The following MACF1 variants were observed in gnomAD, a reference collection of about 807,000 sequenced individuals.
The protein encoded by MACF1 is microtubule actin crosslinking factor 1.
In MACF1, 193 loss-of-function variants were observed where a neutral mutation model predicts 854.8. The observed-to-expected ratio is 0.23, with a 90% CI of 0.20 to 0.25. The LOEUF (loss-of-function observed/expected upper bound fraction) is 0.25, where lower values mean the gene tolerates loss of function less well. Ranked by LOEUF, MACF1 falls within the 10% of genes least tolerant of loss-of-function variation. The pLI, the probability that MACF1 is intolerant of heterozygous loss-of-function variation, is 1.00. For missense variants in MACF1, 7,722 were observed against 8,929.1 expected (o/e 0.86, Z 5.45); for synonymous variants, 3,185 against 3,226.7 (o/e 0.99, Z 0.44).
chr1:39,468,458 CT>C (rs1557670349), intron 95 of MACF1, 156 bp from the exon 96 acceptor site: 1 of 583,088 alleles, frequency 1.7e-6, no homozygotes. Context: ...TTTTAAAATC[CT>C]TTTGTGAAAT....
intron 80 of MACF1, among the ~76,000 whole-genome samples, chr1:39,445,190 C>T (rs1456962345): frequency 6.6e-6 from 1 of 152,142 alleles, no homozygotes; most frequent in Non-Finnish European, 1.5e-5. Flanking sequence ...GAATAATTCT[C>T]CACAAGGAAT....
intron 20 of MACF1, among the ~76,000 whole-genome samples, chr1:39,296,789 A>T (rs150464258): frequency 9.9e-6 from 1 of 100,728 alleles, no homozygotes; most frequent in Non-Finnish European, 2.1e-5. Context: ...AGAAAGAAAG[A>T]AAGGAAGGAA....
chr1:39,327,885 A>G (rs1646646287), intron 36 of MACF1, among the ~76,000 whole-genome samples: 1 of 152,014 alleles, frequency 6.6e-6, no homozygotes. Flanking sequence ...CTCCATATTC[A>G]TTTCCTGGAC....
intron 2 of MACF1, among the ~76,000 whole-genome samples, chr1:39,127,439 CA>C (rs1642887151): frequency 6.6e-6 from 1 of 152,058 alleles, no homozygotes; most frequent in African/African-American, 2.4e-5. Flanking sequence ...TACATTAATC[CA>C]CTTAATTCTC....
chr1:39,477,032 A>G (rs1221629836), intron 97 of MACF1, among the ~76,000 whole-genome samples: 4 of 143,686 alleles, frequency 2.8e-5, no homozygotes, highest in Non-Finnish European at 6.0e-5. Context: ...ACACACACAT[A>G]TATACACTTA....
At chr1:39,345,112 GT>G (rs1647016297) in intron 40 of MACF1, among the ~76,000 whole-genome samples, 1 of 152,138 alleles carries the variant, frequency 6.6e-6, no homozygotes, top group Non-Finnish European at 1.5e-5. Flanking sequence ...TCTACTCTCA[GT>G]TTCAAAGTGA....
rs562347733 is a variant in MACF1, at chr1:39,477,131, T to TACACACACACACAC, written c.21959-2666_21959-2665insCACACACACACACA. 1.8e-3 allele frequency among the ~76,000 whole-genome samples: 162 copies of TACACACACACACAC among 91,288 alleles called. 5 individuals are homozygous for TACACACACACACAC. The highest frequency in any genetic ancestry group is 2.5e-3 in the Non-Finnish European group (122 of 49,448). The allele number at this position is 91,288 out of a possible 152,430, so 59.9% of individuals were successfully genotyped here. A position where few individuals can be genotyped will look rare whatever the true frequency, so the allele number is the denominator to read the frequency against. On this transcript the variant is annotated intron_variant, in intron 97 of 100. Coordinates refer to ENST00000564288, the MANE Select transcript of MACF1 (RefSeq NM_001394062.1). ...TATACACTTAGTGTATATATATATA[T>TACACACACACACAC]ATATACACACACACACACACACAGA...
chr1:39,196,420 G>A (rs1310004358), intron 2 of MACF1, among the ~76,000 whole-genome samples: 1 of 152,134 alleles, frequency 6.6e-6, no homozygotes, highest in Non-Finnish European at 1.5e-5. Flanking sequence ...TCCTAATTAA[G>A]TTATCTGAAG....
At position 39,368,273 on chromosome 1, in the gene MACF1, A is replaced by C; in HGVS notation, c.12897A>C (p.Leu4299=). 6.2e-7 allele frequency: 1 copy of C among 1,614,050 alleles called. No homozygotes were observed. Among genetic ancestry groups the C allele is most frequent in the Non-Finnish European group, 8.5e-7 (1 of 1,179,954 alleles). The part of the protein sequence containing the change: ...LCQHQDRVQN[L]RKDFTELQKT... ...AGCATCAGGACAGGGTACAGAATCT[A>C]AGAAAAGACTTCACAGAGCTACAGA... The change falls in exon 50 of 101, where the codon CTA becomes CTC. Residue 4299 remains leucine (L), a synonymous_variant. Coordinates refer to ENST00000564288, the MANE Select transcript of MACF1 (RefSeq NM_001394062.1).
intron 68 of MACF1, among the ~76,000 whole-genome samples, chr1:39,433,612 A>T (rs528964998): frequency 6.6e-6 from 1 of 152,232 alleles, no homozygotes; most frequent in Non-Finnish European, 1.5e-5. Flanking sequence ...GTTTAAGCAC[A>T]GTTTCCTCAG....
At chr1:39,350,650 TA>T in intron 42 of MACF1, 134 bp from the exon 43 acceptor site, 2 of 606,292 alleles carry the variant, frequency 3.3e-6, no homozygotes, top group South Asian at 2.5e-5. Flanking sequence ...GATTTAAGCC[TA>T]AACCTGAAGC....
intron 1 of MACF1, 25 bp from the exon 2 acceptor site, chr1:39,231,157 T>G: frequency 1.2e-6 from 2 of 1,609,622 alleles, no homozygotes; most frequent in South Asian, 2.2e-5. Flanking sequence ...ACTAAGCCAG[T>G]GCCTTCTCTG....
In MACF1 at chr1:39,477,135, T is replaced by TATAC. The variant is rs71060314; in HGVS notation, c.21959-2662_21959-2661insTACA. ...CACTTAGTGTATATATATATATATA[T>TATAC]ACACACACACACACACACAGATGTG... On this transcript the variant is annotated intron_variant, in intron 97 of 100. Transcript: ENST00000564288. Among the ~76,000 whole-genome samples, 57 of 103,350 alleles carry TATAC rather than the reference T, an allele frequency of 5.5e-4. 4 individuals are homozygous for TATAC. Among genetic ancestry groups the TATAC allele is most frequent in the South Asian group, 2.6e-3 (8 of 3,106 alleles). 67.8% of individuals were successfully genotyped at this position (103,350 alleles called of 152,430 possible). A position where few individuals can be genotyped will look rare whatever the true frequency, so the allele number is the denominator to read the frequency against.
At chr1:39,277,383 C>T (rs1489113851) in intron 6 of MACF1, among the ~76,000 whole-genome samples, 1 of 152,088 alleles carries the variant, frequency 6.6e-6, no homozygotes, top group Non-Finnish European at 1.5e-5. Flanking sequence ...TTTGAAATTA[C>T]AAAGGCAGAA....
chr1:39,240,087 T>C, intron 2 of MACF1, among the ~76,000 whole-genome samples: 1 of 152,092 alleles, frequency 6.6e-6, no homozygotes, highest in East Asian at 1.9e-4. Flanking sequence ...TGAGACTCTC[T>C]AGTTGAATAT....
At chr1:39,099,092 C>T (rs1321850770) in intron 2 of MACF1, among the ~76,000 whole-genome samples, 4 of 152,198 alleles carry the variant, frequency 2.6e-5, no homozygotes, top group African/African-American at 9.6e-5. Context: ...CAGACAGCTA[C>T]CCTTGCAAGG....
intron 26 of MACF1, 101 bp from the exon 27 acceptor site, chr1:39,315,412 T>G: frequency 9.9e-7 from 1 of 1,008,644 alleles, no homozygotes; most frequent in Non-Finnish European, 1.5e-6. Flanking sequence ...TATATGGGCA[T>G]TTAGGTGGTT....
intron 5 of MACF1, among the ~76,000 whole-genome samples, chr1:39,255,538 C>T (rs778743753): frequency 2.0e-5 from 3 of 152,190 alleles, no homozygotes; most frequent in Non-Finnish European, 4.4e-5. Context: ...CAGTAATTCT[C>T]ATTAACTTCT....
At chr1:39,369,221 G>A (rs1433634160) in intron 50 of MACF1, among the ~76,000 whole-genome samples, 1 of 152,072 alleles carries the variant, frequency 6.6e-6, no homozygotes, top group African/African-American at 2.4e-5. Context: ...GGGAATATAT[G>A]ACAAGGCTGG....
Sources: allele counts gnomAD v4.1 joint callset (sites outside exome capture counted in the v4.1 genomes callset), GRCh38; gene constraint gnomAD v4.1.1; transcripts MANE v1.5; gene names NCBI Gene and HGNC (gene_info 2026-07-23, HGNC 2026-07-21).